Variants in LINGO2 observed in about 807,000 individuals in gnomAD.
LINGO2 encodes leucine rich repeat and Ig domain containing 2, also known as leucine-rich repeat and immunoglobulin-like domain-containing nogo receptor-interacting protein 2.
In LINGO2, 14 loss-of-function variants were observed where a neutral mutation model predicts 30.6. The observed-to-expected ratio is 0.46, with a 90% CI of 0.30 to 0.72. LINGO2 has a LOEUF of 0.72. Ranked by LOEUF, LINGO2 falls within the 30% of genes least tolerant of loss-of-function variation. The pLI is 0.07. For synonymous variants in LINGO2, 317 were observed against 288.5 expected, an observed-to-expected ratio of 1.10 and a Z score of -1.00; for missense variants, 729 against 751.7, an observed-to-expected ratio of 0.97 and a Z score of 0.35.
intron 2 of LINGO2, among the ~76,000 whole-genome samples, chr9:28,411,019 G>C (rs1822740281): frequency 6.6e-6 from 1 of 152,050 alleles, no homozygotes; most frequent in Non-Finnish European, 1.5e-5. Context: ...GAATTCACAG[G>C]TGCCTACCTC....
chr9:29,212,227 G>A, the LINGO2 span, among the ~76,000 whole-genome samples: 1 of 151,946 alleles, frequency 6.6e-6, no homozygotes, highest in Non-Finnish European at 1.5e-5. Flanking sequence ...AGCGCGCCGG[G>A]ACTGCCGCTC....
At chr9:28,109,633 C>A (rs1344090425) in intron 4 of LINGO2, among the ~76,000 whole-genome samples, 1 of 152,118 alleles carries the variant, frequency 6.6e-6, no homozygotes, top group Non-Finnish European at 1.5e-5. Context: ...CAGGAATGAA[C>A]TCACATTCAC....
the LINGO2 span, among the ~76,000 whole-genome samples, chr9:28,827,259 A>G: frequency 2.0e-5 from 3 of 152,168 alleles, no homozygotes; most frequent in Non-Finnish European, 4.4e-5. Context: ...CATGGTAACT[A>G]GTGATAGTGA....
chr9:28,618,524 C>G (rs1826240397), intron 1 of LINGO2, among the ~76,000 whole-genome samples: 1 of 152,146 alleles, frequency 6.6e-6, no homozygotes, highest in African/African-American at 2.4e-5. Flanking sequence ...TACTCCCCTG[C>G]TTATAACTCT....
At chr9:29,074,264 T>C in the LINGO2 span, among the ~76,000 whole-genome samples, 7 of 151,758 alleles carry the variant, frequency 4.6e-5, no homozygotes, top group Non-Finnish European at 8.8e-5. Context: ...ACAGAGACAA[T>C]AGATCAAATG....
rs531962732 is a variant in LINGO2, at chr9:28,093,285, T to C, written c.-86-80880A>G. Among the ~76,000 whole-genome samples, 4 of 152,050 alleles carry C rather than the reference T, an allele frequency of 2.6e-5. No homozygotes were observed. The South Asian group carries it at 6.2e-4, about 24-fold the overall frequency. The stretch of plus-strand genomic sequence containing the variant: ...TGTCACAGAGCTGCAGACACCTCTG[T>C]GAAAAAAAATCCCTGGTCATTACCA... On this transcript the variant is annotated intron_variant, in intron 4 of 5. Transcript: ENST00000379992.
At chr9:28,245,452 G>C (rs914401515) in intron 4 of LINGO2, among the ~76,000 whole-genome samples, 38 of 152,106 alleles carry the variant, frequency 2.5e-4, no homozygotes, top group African/African-American at 8.9e-4. Context: ...GTTCCAGCCA[G>C]GGCAATCAGG....
the LINGO2 span, among the ~76,000 whole-genome samples, chr9:28,948,402 A>C: frequency 6.6e-6 from 1 of 152,096 alleles, no homozygotes; most frequent in African/African-American, 2.4e-5. Context: ...TATATATTCT[A>C]GTCTTGATAA....
chr9:29,148,055 G>A, the LINGO2 span, among the ~76,000 whole-genome samples: 1 of 152,014 alleles, frequency 6.6e-6, no homozygotes, highest in Non-Finnish European at 1.5e-5. Flanking sequence ...TGTTTACAGT[G>A]CATTTATTTT....
the LINGO2 span, among the ~76,000 whole-genome samples, chr9:29,014,110 G>A: frequency 6.6e-6 from 1 of 151,798 alleles, no homozygotes; most frequent in African/African-American, 2.4e-5. Context: ...TCTGCTACGA[G>A]TTATGCAGCA....
intron 4 of LINGO2, among the ~76,000 whole-genome samples, chr9:28,160,887 C>A (rs1828267557): frequency 6.6e-6 from 1 of 152,128 alleles, no homozygotes; most frequent in East Asian, 1.9e-4. Context: ...CTCTTGCCCA[C>A]CAGGATTTCA....
chr9:28,019,312 AAT>A (rs1822996219), intron 4 of LINGO2, among the ~76,000 whole-genome samples: 2 of 28,198 alleles, frequency 7.1e-5, no homozygotes, highest in Admixed American at 1.3e-3. Flanking sequence ...CACCTAGGGG[AAT>A]ATATGTTTTT....
At chr9:29,181,523 C>T in the LINGO2 span, among the ~76,000 whole-genome samples, 2 of 152,120 alleles carry the variant, frequency 1.3e-5, no homozygotes, top group Non-Finnish European at 2.9e-5. Flanking sequence ...TCAGACATTA[C>T]AGTTTTCTTA....
the LINGO2 span, among the ~76,000 whole-genome samples, chr9:28,898,883 T>A: frequency 6.6e-6 from 1 of 152,138 alleles, no homozygotes; most frequent in Non-Finnish European, 1.5e-5. Flanking sequence ...TGAGTTTACC[T>A]ATATATAACA....
chr9:28,793,134 A>G, the LINGO2 span, among the ~76,000 whole-genome samples: 1 of 152,206 alleles, frequency 6.6e-6, no homozygotes, highest in South Asian at 2.1e-4. Context: ...GTCATCCTTG[A>G]ACAAAAAATT....
chr9:28,121,201 G>A (rs1456398964), intron 4 of LINGO2, among the ~76,000 whole-genome samples: 1 of 152,108 alleles, frequency 6.6e-6, no homozygotes, highest in African/African-American at 2.4e-5. Context: ...AAATGCTAGA[G>A]AGCAATTGTA....
intron 4 of LINGO2, among the ~76,000 whole-genome samples, chr9:28,044,971 T>A (rs1157843407): frequency 6.6e-6 from 1 of 151,890 alleles, no homozygotes; most frequent in Non-Finnish European, 1.5e-5. Flanking sequence ...CAGAAAACAG[T>A]TTTCCTGACT....
chr9:28,281,859 C>T (rs966418542), intron 4 of LINGO2, among the ~76,000 whole-genome samples: 1 of 152,068 alleles, frequency 6.6e-6, no homozygotes, highest in African/African-American at 2.4e-5. Context: ...TTAGTATATT[C>T]TAAAACTAGT....
At chr9:28,949,337 T>G in the LINGO2 span, among the ~76,000 whole-genome samples, 6 of 151,666 alleles carry the variant, frequency 4.0e-5, no homozygotes, top group Non-Finnish European at 7.4e-5. Flanking sequence ...TTGAAAAGAT[T>G]AACAAAATAG....
Sources: gnomAD v4.1 joint callset for allele counts (sites outside exome capture counted in the v4.1 genomes callset) on GRCh38, gnomAD v4.1.1 for gene constraint, MANE v1.5 for transcripts, NCBI Gene and HGNC (gene_info 2026-07-23, HGNC 2026-07-21) for gene names.